Variants in SLC35F5 observed in about 807,000 individuals in gnomAD.
SLC35F5 encodes HCV NS5A-transactivated protein 3.
SLC35F5 carries 54 observed loss-of-function variants against 68.6 expected under a neutral mutation model. The observed-to-expected ratio is 0.79, with a 90% CI of 0.63 to 0.99. The LOEUF is 0.99. Among genes scored for constraint, SLC35F5 ranks in the 50% least tolerant of loss-of-function variants. The pLI, the probability that SLC35F5 is intolerant of heterozygous loss-of-function variation, is 0.00. For synonymous variants in SLC35F5, 211 were observed against 205.2 expected (o/e 1.03, Z -0.24); for missense variants, 567 against 626.9 (o/e 0.90, Z 1.02).
Position 113,723,170 on chromosome 2 carries a change from C to T in SLC35F5, c.1275G>A (p.Leu425=), listed in dbSNP as rs1275367057. The change falls in exon 13 of 16, where the codon TTG becomes TTA. Residue 425 remains leucine, a synonymous_variant. Transcript: ENST00000245680. ...WLWGCFLTSS[L]IGTLALSLTI... is the part of the protein sequence containing the mutation. ...TAAGGCTTAGTGCAAGTGTGCCTATCAATGATGAGGTAAGAAAGCAGCCCC... is the reference window on the plus strand; with the variant it reads ...TAAGGCTTAGTGCAAGTGTGCCTATTAATGATGAGGTAAGAAAGCAGCCCC... 2 of 1,587,416 alleles carry T rather than the reference C, an allele frequency of 1.3e-6. No homozygotes were observed. Among genetic ancestry groups the T allele is most frequent in the Non-Finnish European group, 1.7e-6 (2 of 1,167,320 alleles).
At chr2:113,722,926 G>A (rs1687502882) in intron 13 of SLC35F5, among the ~76,000 whole-genome samples, 178 bp downstream of exon 13, 1 of 152,154 alleles carries the variant, frequency 6.6e-6, no homozygotes, top group African/African-American at 2.4e-5. Flanking sequence ...AGCTAAAAAT[G>A]GAAATTATCT....
intron 15 of SLC35F5, 77 bp from the exon 16 acceptor site, chr2:113,715,272 A>C (rs1687135072): frequency 6.6e-6 from 1 of 152,230 alleles, no homozygotes; most frequent in African/African-American, 2.4e-5. Flanking sequence ...CATTTTAAAA[A>C]GCAAATTATC....
intron 13 of SLC35F5, among the ~76,000 whole-genome samples, chr2:113,722,128 T>C (rs956249191): frequency 2.6e-5 from 4 of 151,452 alleles, no homozygotes; most frequent in Non-Finnish European, 4.4e-5. Context: ...GTGCACGCCA[T>C]CACACCCAGC....
rs760534619 is a variant in SLC35F5 at position 113,717,853 on chromosome 2, T to TA, written c.1497-4dup. The TA allele has an allele frequency of 6.3e-7, 1 of 1,589,958 alleles. No homozygotes were observed. The highest frequency in any genetic ancestry group is 1.8e-5 in the Admixed American group (1 of 55,478). On this transcript the variant is annotated splice_polypyrimidine_tract_variant and splice_region_variant and intron_variant, in intron 14 of 15. Coordinates refer to ENST00000245680, the MANE Select transcript of SLC35F5 (RefSeq NM_025181.5). ...ACTGTTCGCTGTCTTCTGGAACTCT[T>TA]AAGAAAAAAAAAAGCAGTAATTAAG...
At chr2:113,752,334 T>A (rs1402822050) in intron 3 of SLC35F5, among the ~76,000 whole-genome samples, 1 of 151,770 alleles carries the variant, frequency 6.6e-6, no homozygotes, top group African/African-American at 2.4e-5. Flanking sequence ...CCTAATGAAA[T>A]ACTTTATCTA....
intron 13 of SLC35F5, among the ~76,000 whole-genome samples, chr2:113,722,253 C>T (rs903737894): frequency 6.6e-5 from 10 of 152,020 alleles, no homozygotes; most frequent in African/African-American, 1.7e-4. Context: ...GGATTACAGG[C>T]GTGAGCCACT....
rs1676938583 is a variant in SLC35F5, at chr2:113,755,470, T to C, written c.115A>G (p.Arg39Gly). The C allele has an allele frequency of 6.2e-7, 1 of 1,614,140 alleles. No homozygotes were observed. ...FSGIALEDLR[R>G]ALKTRLQMVC... Reference sequence around the variant, plus strand: ...GGAATCTACCTTGTCTTAAGAGCCCTTCTGAGATCCTCAAGAGCAATGCCG... The same window carrying C: ...GGAATCTACCTTGTCTTAAGAGCCCCTCTGAGATCCTCAAGAGCAATGCCG... The change falls in exon 2 of 16, where the codon AGG (arginine) becomes GGG (glycine). Residue 39 changes from arginine (R) to glycine (G), a missense_variant. Arg to Gly is a moderately radical substitution (Grantham distance 125). Transcript: ENST00000245680.
At chr2:113,736,556 A>T (rs1688104737) in intron 7 of SLC35F5, among the ~76,000 whole-genome samples, 1 of 152,250 alleles carries the variant, frequency 6.6e-6, no homozygotes, top group Non-Finnish European at 1.5e-5. Context: ...AGATGAATAC[A>T]GCATAATGAG....
intron 7 of SLC35F5, among the ~76,000 whole-genome samples, chr2:113,740,036 G>T (rs929814347): frequency 6.6e-6 from 1 of 152,172 alleles, no homozygotes; most frequent in Non-Finnish European, 1.5e-5. Flanking sequence ...AAGAAGGCTG[G>T]GGAAGAGAAG....
chr2:113,753,121 C>G (rs1365373411), intron 3 of SLC35F5, among the ~76,000 whole-genome samples: 1 of 134,776 alleles, frequency 7.4e-6, no homozygotes, highest in Non-Finnish European at 1.6e-5. Flanking sequence ...AATAAAAAGA[C>G]TGATTTTCTT....
intron 14 of SLC35F5, among the ~76,000 whole-genome samples, chr2:113,718,230 A>G (rs557339243): frequency 1.3e-5 from 2 of 151,948 alleles, no homozygotes; most frequent in Non-Finnish European, 2.9e-5. Flanking sequence ...GACTGCAGGT[A>G]TATGCCATCA....
Position 113,719,135 on chromosome 2 carries a change from G to A in SLC35F5, c.1496+19C>T, listed in dbSNP as rs373116387. On this transcript the variant is annotated intron_variant, in intron 14 of 15. Transcript: ENST00000245680. ...TAGCAAACACTATTTTTAAAAATGTGTATTGGGACTAAACTTACCTCTGAA... is the reference window on the plus strand; with the variant it reads ...TAGCAAACACTATTTTTAAAAATGTATATTGGGACTAAACTTACCTCTGAA... 1 of 1,595,668 alleles carries A rather than the reference G, an allele frequency of 6.3e-7. No homozygotes were observed. The highest frequency in any genetic ancestry group is 1.1e-5 in the South Asian group (1 of 87,082).
intron 1 of SLC35F5, 114 bp from the exon 2 acceptor site, chr2:113,755,658 A>C (rs1475443493): frequency 1.8e-6 from 2 of 1,125,434 alleles, no homozygotes; most frequent in Non-Finnish European, 2.6e-6. Context: ...GAAAAGGACC[A>C]AAATGTGTTA....
rs761386845 is a variant in SLC35F5 at position 113,723,200 on chromosome 2, A to G, written c.1251-6T>C. The G allele has an allele frequency of 3.8e-5, 60 of 1,566,264 alleles. No homozygotes were observed. The highest frequency in any genetic ancestry group is 4.9e-5 in the Non-Finnish European group (57 of 1,160,214). On this transcript the variant is annotated splice_polypyrimidine_tract_variant and splice_region_variant and intron_variant, in intron 12 of 15. Coordinates refer to ENST00000245680, the MANE Select transcript of SLC35F5 (RefSeq NM_025181.5). The stretch of plus-strand genomic sequence containing the variant: ...ATGAGGTAAGAAAGCAGCCCCTAAA[A>G]AAAAGAAAATATACATTTCTATATT...
chr2:113,741,504 C>G (rs890974935), intron 7 of SLC35F5, among the ~76,000 whole-genome samples: 1 of 151,988 alleles, frequency 6.6e-6, no homozygotes, highest in African/African-American at 2.4e-5. Context: ...AAGTTCGAGA[C>G]CAGCATGACC....
intron 11 of SLC35F5, among the ~76,000 whole-genome samples, chr2:113,729,122 G>A (rs1157804669): frequency 1.3e-5 from 2 of 152,194 alleles, no homozygotes; most frequent in African/African-American, 4.8e-5. Context: ...CTATCAGTGA[G>A]ATAAATATCT....
rs534182456 is a variant in SLC35F5, at chr2:113,713,366, G to A, written c.*1852C>T. Reference sequence around the variant, plus strand: ...GTGATGATAAGAGCACAGAACACATGAACAACCAAAAGATTCTAAGCTCAG... The same window carrying A: ...GTGATGATAAGAGCACAGAACACATAAACAACCAAAAGATTCTAAGCTCAG... On this transcript the variant is annotated 3_prime_UTR_variant, in exon 16 of 16. Transcript: ENST00000245680. The A allele has an allele frequency of 6.6e-6, 1 of 151,866 alleles. No homozygotes were observed. The highest frequency in any genetic ancestry group is 2.1e-4 in the South Asian group (1 of 4,792). The allele number at this position is 151,866 out of a possible 1,614,324, so 9.4% of individuals were successfully genotyped here. A position where few individuals can be genotyped will look rare whatever the true frequency, so the allele number is the denominator to read the frequency against.
intron 3 of SLC35F5, among the ~76,000 whole-genome samples, chr2:113,750,923 T>C (rs1559364552): frequency 6.6e-6 from 1 of 152,188 alleles, no homozygotes; most frequent in Admixed American, 6.5e-5. Flanking sequence ...GACAGGAAGA[T>C]TGCTTGAGCC....
rs369052157 is a variant in SLC35F5 at position 113,711,797 on chromosome 2, G to A, written c.*3421C>T. Among the ~76,000 whole-genome samples the A allele has an allele frequency of 1.3e-5, 2 of 151,782 alleles. No homozygotes were observed. The highest frequency in any genetic ancestry group is 3.9e-4 in the East Asian group (2 of 5,176). On this transcript the variant is annotated 3_prime_UTR_variant, in exon 16 of 16. Transcript: ENST00000245680. ...TTTCAAAAGGAGAGTAGGTAGAAAC[G>A]AAGATCATAACTATACTTACTTAAT... is the stretch of plus-strand genomic sequence containing the variant.
Sources: gnomAD v4.1 joint callset for allele counts (sites outside exome capture counted in the v4.1 genomes callset) on GRCh38, gnomAD v4.1.1 for gene constraint, MANE v1.5 for transcripts, NCBI Gene and HGNC (gene_info 2026-07-23, HGNC 2026-07-21) for gene names.